Variants in PLEKHG7 observed in about 807,000 individuals in gnomAD.
The protein encoded by PLEKHG7 is pleckstrin homology domain-containing family G member 7.
PLEKHG7 carries 77 observed loss-of-function variants against 85.2 expected under a neutral mutation model. The observed-to-expected ratio is 0.90, with a 90% CI of 0.75 to 1.09. The LOEUF (loss-of-function observed/expected upper bound fraction) is 1.09, where lower values mean the gene tolerates loss of function less well. Ranked by LOEUF, PLEKHG7 falls within the 50% of genes least tolerant of loss-of-function variation. The pLI, the probability that PLEKHG7 is intolerant of heterozygous loss-of-function variation, is 0.00. For synonymous variants in PLEKHG7, 301 were observed against 302.4 expected (o/e 1.00, Z 0.05); for missense variants, 777 against 804.3 (o/e 0.97, Z 0.41).
In PLEKHG7 at chr12:92,737,458, C is replaced by T. The variant is rs1872191254; in HGVS notation, c.876C>T (p.Ala292=). 8 of 1,590,196 alleles carry T rather than the reference C, an allele frequency of 5.0e-6. No homozygotes were observed. The highest frequency in any genetic ancestry group is 2.7e-5 in the African/African-American group (2 of 73,412). The change falls in exon 7 of 17, where the codon GCC becomes GCT. Residue 292 remains alanine (A), a synonymous_variant. Coordinates refer to ENST00000344636, the MANE Select transcript of PLEKHG7 (RefSeq NM_001377329.1). ...DQLDLKKQQE[A]VWELFTSECT... ...TAGACCTGAAAAAGCAGCAAGAGGC[C>T]GTGTGGGAACTTTTCACAAGTGAAT... is the stretch of plus-strand genomic sequence containing the variant.
intron 10 of PLEKHG7, among the ~76,000 whole-genome samples, chr12:92,751,213 A>T (rs1363687120): frequency 6.6e-6 from 1 of 152,232 alleles, no homozygotes; most frequent in Non-Finnish European, 1.5e-5. Flanking sequence ...CTGCCCTAGA[A>T]CAACCATATC....
In PLEKHG7 at chr12:92,729,090, C is replaced by T. The variant is rs887848626; in HGVS notation, c.628C>T (p.Leu210=). The change falls in exon 4 of 17, where the codon CTA becomes TTA. Residue 210 remains leucine (L), a synonymous_variant. Coordinates refer to ENST00000344636, the MANE Select transcript of PLEKHG7 (RefSeq NM_001377329.1). The part of the protein sequence containing the change: ...LLVSDGAADY[L]CHPLLLLNSE... ...GGTGTCAGATGGAGCTGCTGATTAC[C>T]TATGCCATCCACTTCTGCTGCTGAA... 3 of 1,231,700 alleles carry T rather than the reference C, an allele frequency of 2.4e-6. No homozygotes were observed. The highest frequency in any genetic ancestry group is 1.6e-5 in the African/African-American group (1 of 64,338). The allele number at this position is 1,231,700 out of a possible 1,614,324, so 76.3% of individuals were successfully genotyped here. A position where few individuals can be genotyped will look rare whatever the true frequency, so the allele number is the denominator to read the frequency against.
intron 10 of PLEKHG7, among the ~76,000 whole-genome samples, chr12:92,749,110 G>T (rs1348946518): frequency 6.6e-6 from 1 of 152,022 alleles, no homozygotes; most frequent in Non-Finnish European, 1.5e-5. Flanking sequence ...AACGTTCTTG[G>T]AGAACGTAAA....
intron 13 of PLEKHG7, 141 bp from the exon 14 acceptor site, chr12:92,761,607 AAAAG>A (rs1346207267): frequency 6.3e-5 from 64 of 1,022,416 alleles, no homozygotes; most frequent in East Asian, 7.1e-5. Context: ...GAAAGAAAGA[AAAAG>A]AAAGAAAGAA....
At chr12:92,733,246 C>T (rs1363340671) in intron 5 of PLEKHG7, among the ~76,000 whole-genome samples, 1 of 152,184 alleles carries the variant, frequency 6.6e-6, no homozygotes, top group Non-Finnish European at 1.5e-5. Flanking sequence ...CCAGTGCCAG[C>T]CTCACAGGGT....
intron 3 of PLEKHG7, among the ~76,000 whole-genome samples, chr12:92,728,508 A>ATATACACACCACATTCCATGGTGG (rs1871888690): frequency 7.3e-5 from 11 of 150,072 alleles, no homozygotes; most frequent in East Asian, 3.9e-4. Context: ...ATATAAATAT[A>ATATACACACCACATTCCATGGTGG]TGTATATACC....
intron 3 of PLEKHG7, among the ~76,000 whole-genome samples, chr12:92,727,585 T>C (rs563996730): frequency 6.6e-6 from 1 of 152,168 alleles, no homozygotes; most frequent in East Asian, 1.9e-4. Flanking sequence ...GAAAAGAAAA[T>C]AATTTCATGC....
intron 1 of PLEKHG7, among the ~76,000 whole-genome samples, chr12:92,704,169 T>C (rs1871165765): frequency 6.6e-6 from 1 of 151,906 alleles, no homozygotes; most frequent in Non-Finnish European, 1.5e-5. Flanking sequence ...CACTGCAGCA[T>C]GAGGATTCTG....
Position 92,741,641 on chromosome 12 carries a change from C to T in PLEKHG7, c.1137+49C>T, listed in dbSNP as rs764277461. Reference sequence around the variant, plus strand: ...AGCTTCATGTAGTAAAATCACCCACCTCCCAGGACAGTTGTTTATACCCTA... The same window carrying T: ...AGCTTCATGTAGTAAAATCACCCACTTCCCAGGACAGTTGTTTATACCCTA... On this transcript the variant is annotated intron_variant, in intron 9 of 16. Coordinates refer to ENST00000344636, the MANE Select transcript of PLEKHG7 (RefSeq NM_001377329.1). 10 of 1,419,798 alleles carry T rather than the reference C, an allele frequency of 7.0e-6. No homozygotes were observed. In the South Asian group the frequency reaches 7.2e-5, roughly 10 times the overall value. The allele number at this position is 1,419,798 out of a possible 1,614,324, so 88.0% of individuals were successfully genotyped here.
chr12:92,707,486 T>A, intron 2 of PLEKHG7, 164 bp from the exon 3 acceptor site: 1 of 1,454,418 alleles, frequency 6.9e-7, no homozygotes, highest in Non-Finnish European at 9.0e-7. Context: ...TGTCACTGAT[T>A]TAAAAGGGGA....
chr12:92,755,925 G>C lies in PLEKHG7; in HGVS notation c.1527G>C (p.Arg509Ser). 1 of 1,606,968 alleles carries C rather than the reference G, an allele frequency of 6.2e-7. No homozygotes were observed. The highest frequency in any genetic ancestry group is 8.5e-7 in the Non-Finnish European group (1 of 1,177,308). The change falls in exon 12 of 17, where the codon AGG (arginine) becomes AGC (serine). Residue 509 changes from arginine to serine, a missense_variant. Physicochemically the swap from Arg to Ser is moderately radical, Grantham distance 110. Around this residue, in one of 3 missense-constraint regions of PLEKHG7, gnomAD observed 520 missense variants for 544.0 expected, o/e 0.96. Coordinates refer to ENST00000344636, the MANE Select transcript of PLEKHG7 (RefSeq NM_001377329.1). ...CACCGCTTTGGGATAGAGATAAAAG[G>C]TTTTTCATTCCAGAGGTACAAAAAA... is the stretch of plus-strand genomic sequence containing the variant. ...VWPPLWDRDK[R>S]FFIPECLKHI...
chr12:92,737,622 AAAAG>A (rs1872198639), intron 7 of PLEKHG7, 101 bp downstream of exon 7: 3 of 1,216,950 alleles, frequency 2.5e-6, no homozygotes, highest in Admixed American at 2.2e-5. Context: ...AGAAAGAGAG[AAAAG>A]AAAGAAAGAG....
At chr12:92,715,025 T>TAGATAGAA (rs1565786852) in intron 3 of PLEKHG7, among the ~76,000 whole-genome samples, 1 of 128,624 alleles carries the variant, frequency 7.8e-6, no homozygotes, top group African/African-American at 2.9e-5. Flanking sequence ...ATGGGATAGA[T>TAGATAGAA]AGATAGATAG....
At chr12:92,763,968 T>C (rs1873110463) in intron 14 of PLEKHG7, 73 bp from the exon 15 acceptor site, 1 of 1,316,786 alleles carries the variant, frequency 7.6e-7, no homozygotes, top group African/African-American at 1.5e-5. Context: ...TCTATTTGCT[T>C]ACAGATGCAC....
At chr12:92,765,844 T>G (rs1387513039) in intron 15 of PLEKHG7, among the ~76,000 whole-genome samples, 1 of 152,096 alleles carries the variant, frequency 6.6e-6, no homozygotes, top group African/African-American at 2.4e-5. Context: ...TATTAACCCA[T>G]GAATTAATAT....
At position 92,756,411 on chromosome 12, in the gene PLEKHG7, A is replaced by T. The variant is rs182915226; in HGVS notation, c.1636+20A>T. 344 of 1,557,674 alleles carry T rather than the reference A, an allele frequency of 2.2e-4. No individual in the cohort carries two copies. The East Asian group carries it at 6.8e-3, about 31-fold the overall frequency. ...TTGCAGGTAAATAACTGCTTCCTTTAAAAAACCCAACATCTGTGCCGCCTT... is the reference window on the plus strand; with the variant it reads ...TTGCAGGTAAATAACTGCTTCCTTTTAAAAACCCAACATCTGTGCCGCCTT... On this transcript the variant is annotated intron_variant, in intron 13 of 16. Transcript: ENST00000344636.
chr12:92,717,001 T>C (rs1043676867), intron 3 of PLEKHG7, among the ~76,000 whole-genome samples: 3 of 152,206 alleles, frequency 2.0e-5, no homozygotes, highest in Non-Finnish European at 4.4e-5. Context: ...TGAAACTGTG[T>C]TGGTGGAAAT....
At chr12:92,757,856 A>C (rs1242043171) in intron 13 of PLEKHG7, among the ~76,000 whole-genome samples, 1 of 152,182 alleles carries the variant, frequency 6.6e-6, no homozygotes, top group Admixed American at 6.5e-5. Flanking sequence ...GGGAAGTGAT[A>C]GGTTAAAAGG....
chr12:92,711,550 A>G (rs1256326898), intron 3 of PLEKHG7, among the ~76,000 whole-genome samples: 1 of 152,050 alleles, frequency 6.6e-6, no homozygotes, highest in East Asian at 1.9e-4. Context: ...TTCAGGTCGC[A>G]TGGTGACTTG....
Sources: allele counts gnomAD v4.1 joint callset (sites outside exome capture counted in the v4.1 genomes callset), GRCh38; gene constraint gnomAD v4.1.1; regional missense constraint gnomAD v4.1.1; transcripts MANE v1.5; gene names NCBI Gene and HGNC (gene_info 2026-07-23, HGNC 2026-07-21).